The following COX10 variants were observed in gnomAD, a reference collection of about 807,000 sequenced individuals.
The protein encoded by COX10 is cytochrome c oxidase assembly factor heme A:farnesyltransferase COX10.
Under a neutral mutation model 37.3 loss-of-function variants are expected in COX10, and 27 were observed. The observed-to-expected ratio is 0.72, with a 90% CI of 0.53 to 1.00. The LOEUF (loss-of-function observed/expected upper bound fraction) is 1.00. Ranked by LOEUF, COX10 falls within the 50% of genes least tolerant of loss-of-function variation. The pLI, the probability that COX10 is intolerant of heterozygous loss-of-function variation, is 0.00. For missense variants in COX10, 475 were observed against 563.2 expected, an observed-to-expected ratio of 0.84 and a Z score of 1.59; for synonymous variants, 222 against 229.1, an observed-to-expected ratio of 0.97 and a Z score of 0.28.
At position 14,075,016 on chromosome 17, in the gene COX10, G is replaced by C. The variant is rs1479174444; in HGVS notation, c.177+560G>C. ...TATGGAACTTACTATTAATTGCCAG[G>C]AAGGCCATTTGCATTTTCTCAGATG... On this transcript the variant is annotated intron_variant, in intron 2 of 6. Transcript: ENST00000261643. Among the ~76,000 whole-genome samples the C allele has an allele frequency of 2.0e-5, 3 of 152,258 alleles. No homozygotes were observed. In the East Asian group the frequency reaches 5.8e-4, roughly 29 times the overall value.
chr17:14,132,656 A>C (rs975670506), intron 4 of COX10, among the ~76,000 whole-genome samples: 2 of 151,664 alleles, frequency 1.3e-5, no homozygotes, highest in African/African-American at 4.8e-5. Flanking sequence ...TTTCCAGAGG[A>C]TATATTCATA....
intron 3 of COX10, among the ~76,000 whole-genome samples, chr17:14,096,683 G>T (rs941662512): frequency 2.0e-5 from 3 of 151,972 alleles, no homozygotes; most frequent in Non-Finnish European, 4.4e-5. Context: ...AAATTTTTTT[G>T]TTTTGTTTTG....
In COX10 at chr17:14,142,924, G is replaced by A. The variant is rs142275082; in HGVS notation, c.625-16953G>A. Among the ~76,000 whole-genome samples the A allele has an allele frequency of 3.4e-3, 524 of 152,142 alleles. 4 individuals are homozygous for A. The highest frequency in any genetic ancestry group is 0.012 in the African/African-American group (495 of 41,502). ...GTACTTCAGTTTTTCAGGGTTCTGG[G>A]GAATTACCCAATATCCTATCCACTG... On this transcript the variant is annotated intron_variant, in intron 4 of 6. Transcript: ENST00000261643.
rs1388626342 is a variant in COX10, at chr17:14,208,198, C to T, written c.*985C>T. On this transcript the variant is annotated 3_prime_UTR_variant, in exon 7 of 7. Coordinates refer to ENST00000261643, the MANE Select transcript of COX10 (RefSeq NM_001303.4). Reference sequence around the variant, plus strand: ...ATATCTCCTGAATTCAGAAATTAGCCTCCACATGTGCAATGGCTTTAAGAG... The same window carrying T: ...ATATCTCCTGAATTCAGAAATTAGCTTCCACATGTGCAATGGCTTTAAGAG... 1 of 152,238 alleles carries T rather than the reference C, an allele frequency of 6.6e-6. No individual in the cohort carries two copies. The highest frequency in any genetic ancestry group is 2.4e-5 in the African/African-American group (1 of 41,462). 9.4% of individuals were successfully genotyped at this position (152,238 alleles called of 1,614,324 possible). A position where few individuals can be genotyped will look rare whatever the true frequency, so the allele number is the denominator to read the frequency against.
In COX10 at chr17:14,102,164, C is replaced by A. The variant is rs1265093705; in HGVS notation, c.546C>A (p.Gly182=). 1 of 1,613,614 alleles carries A rather than the reference C, an allele frequency of 6.2e-7. No individual in the cohort carries two copies. Among genetic ancestry groups the A allele is most frequent in the African/African-American group, 1.3e-5 (1 of 74,894 alleles). The part of the protein sequence containing the change: ...TTAAGFALAP[G]PFDWPCFLLT... ...CAGCTGGATTTGCATTGGCTCCGGG[C>A]CCTTTTGACTGGCCCTGTTTCCTGC... Residue 182 remains glycine (G), a synonymous_variant, in exon 4 of 7, where the codon GGC becomes GGA. Coordinates refer to ENST00000261643, the MANE Select transcript of COX10 (RefSeq NM_001303.4).
chr17:14,090,365 T>C (rs1479832623), intron 3 of COX10, among the ~76,000 whole-genome samples: 3 of 152,174 alleles, frequency 2.0e-5, no homozygotes, highest in Non-Finnish European at 4.4e-5. Flanking sequence ...TCTCTTATAC[T>C]AAGAAAGTTT....
At chr17:14,126,176 T>G (rs950853168) in intron 4 of COX10, among the ~76,000 whole-genome samples, 3 of 152,292 alleles carry the variant, frequency 2.0e-5, no homozygotes, top group Admixed American at 1.3e-4. Context: ...TTTAAATATG[T>G]TTAGCTTGAA....
intron 4 of COX10, among the ~76,000 whole-genome samples, chr17:14,126,503 C>A (rs973959134): frequency 2.0e-5 from 3 of 152,138 alleles, no homozygotes; most frequent in Non-Finnish European, 4.4e-5. Context: ...TTGCAGTGTT[C>A]TGACTTTATA....
intron 3 of COX10, among the ~76,000 whole-genome samples, chr17:14,077,519 T>TA (rs1447074471): frequency 6.6e-6 from 1 of 152,232 alleles, no homozygotes; most frequent in East Asian, 1.9e-4. Flanking sequence ...TGTGGGGATG[T>TA]AGGGTGCATT....
chr17:14,087,504 C>T (rs1011676151), intron 3 of COX10, among the ~76,000 whole-genome samples: 5 of 152,044 alleles, frequency 3.3e-5, no homozygotes, highest in South Asian at 2.1e-4. Context: ...CATTGTGTAT[C>T]GGTTGAACGG....
At chr17:14,201,378 A>T (rs1906536112) in intron 6 of COX10, among the ~76,000 whole-genome samples, 1 of 152,188 alleles carries the variant, frequency 6.6e-6, no homozygotes, top group African/African-American at 2.4e-5. Flanking sequence ...ACAATCCATT[A>T]AGGCTAGGCT....
At chr17:14,206,250 A>G (rs1906696120) in intron 6 of COX10, among the ~76,000 whole-genome samples, 1 of 152,174 alleles carries the variant, frequency 6.6e-6, no homozygotes, top group Non-Finnish European at 1.5e-5. Context: ...GCCAGGGCTC[A>G]CAGAACAGGC....
intron 4 of COX10, among the ~76,000 whole-genome samples, chr17:14,147,780 A>G (rs78628149): frequency 0.017 from 2,457 of 145,536 alleles, 30 homozygotes; most frequent in South Asian, 0.035. Context: ...ATAAAAATTA[A>G]AACAATTTAA....
chr17:14,157,648 T>A (rs1905070510), intron 4 of COX10, among the ~76,000 whole-genome samples: 1 of 152,168 alleles, frequency 6.6e-6, no homozygotes, highest in African/African-American at 2.4e-5. Context: ...AAAAGCCACC[T>A]GTAGAGTGAG....
At chr17:14,099,258 T>C (rs1240330820) in intron 3 of COX10, among the ~76,000 whole-genome samples, 1 of 152,104 alleles carries the variant, frequency 6.6e-6, no homozygotes, top group Non-Finnish European at 1.5e-5. Context: ...CCAAAATACT[T>C]GTGCTCTAGG....
intron 5 of COX10, among the ~76,000 whole-genome samples, chr17:14,185,276 A>G (rs1284416763): frequency 1.4e-5 from 2 of 145,674 alleles, no homozygotes; most frequent in East Asian, 4.1e-4. Context: ...GAATGGGAAG[A>G]GCCGATGGTT....
chr17:14,074,895 T>A (rs1017784321), intron 2 of COX10, among the ~76,000 whole-genome samples: 41 of 152,306 alleles, frequency 2.7e-4, no homozygotes, highest in Non-Finnish European at 5.6e-4. Flanking sequence ...CTGAGTAAAT[T>A]CAAACAATTC....
chr17:14,137,638 A>G (rs1320841896), intron 4 of COX10, among the ~76,000 whole-genome samples: 5 of 152,072 alleles, frequency 3.3e-5, no homozygotes, highest in Non-Finnish European at 7.4e-5. Context: ...AAATTTTAAG[A>G]ATAGTGTTGT....
At chr17:14,154,936 C>T (rs1293472992) in intron 4 of COX10, among the ~76,000 whole-genome samples, 1 of 152,102 alleles carries the variant, frequency 6.6e-6, no homozygotes, top group East Asian at 1.9e-4. Context: ...TTGAAAGTAG[C>T]GTTAGGGCTA....
Sources: allele counts gnomAD v4.1 joint callset (sites outside exome capture counted in the v4.1 genomes callset), GRCh38; gene constraint gnomAD v4.1.1; transcripts MANE v1.5; gene names NCBI Gene and HGNC (gene_info 2026-07-23, HGNC 2026-07-21).